Variants in KREMEN1 observed in about 807,000 individuals in gnomAD.
The protein encoded by KREMEN1 is kremen protein 1.
KREMEN1 carries 30 observed loss-of-function variants against 46.5 expected under a neutral mutation model. The observed-to-expected ratio is 0.65, with a 90% CI of 0.48 to 0.88. The LOEUF is 0.88. Ranked by LOEUF, KREMEN1 falls within the 40% of genes least tolerant of loss-of-function variation. KREMEN1 has a pLI of 0.00. For missense variants in KREMEN1, 533 were observed against 596.9 expected (o/e 0.89, Z 1.11); for synonymous variants, 214 against 230.6 (o/e 0.93, Z 0.65).
At chr22:29,100,668 T>C (rs564801233) in intron 3 of KREMEN1, among the ~76,000 whole-genome samples, 17 of 152,338 alleles carry the variant, frequency 1.1e-4, no homozygotes, top group African/African-American at 4.1e-4. Context: ...TATTTTAGAC[T>C]ATATTCCTTC....
intron 2 of KREMEN1, among the ~76,000 whole-genome samples, chr22:29,096,638 A>G (rs2145767258): frequency 6.6e-6 from 1 of 152,350 alleles, no homozygotes; most frequent in South Asian, 2.1e-4. Context: ...ATTGTTGATT[A>G]TCACATCAAA....
chr22:29,136,296 G>A (rs916100732), intron 5 of KREMEN1, among the ~76,000 whole-genome samples: 4 of 151,350 alleles, frequency 2.6e-5, no homozygotes, highest in African/African-American at 7.3e-5. Context: ...AGCCCTGGCC[G>A]GGTGCGGTGG....
downstream of KREMEN1, chr22:29,146,851 G>A (rs952917457): frequency 2.2e-6 from 2 of 923,332 alleles, no homozygotes; most frequent in African/African-American, 1.8e-5. Context: ...ATTTCTATGG[G>A]AGTTCCCCAG....
intron 9 of KREMEN1, among the ~76,000 whole-genome samples, chr22:29,155,748 C>T (rs2038955618): frequency 6.6e-6 from 1 of 152,028 alleles, no homozygotes; most frequent in Admixed American, 6.6e-5. Flanking sequence ...CACCTGAGGT[C>T]AGAGGTTTGA....
rs370954570 is a variant in KREMEN1 at position 29,094,280 on chromosome 22, G to A, written c.120G>A (p.Ala40=). ...TAGAGTGTTTCACAGCCAATGGTGC[G>A]GATTATAGGGGAACACAGAACTGGA... ...PGPECFTANG[A]DYRGTQNWTA... Residue 40 remains alanine, a synonymous_variant, in exon 2 of 9, where the codon GCG becomes GCA. Transcript: ENST00000400335. The A allele has an allele frequency of 2.5e-5, 40 of 1,610,480 alleles. No homozygotes were observed. The highest frequency in any genetic ancestry group is 8.9e-5 in the South Asian group (8 of 90,288).
chr22:29,167,204 C>A (rs2039060128), exon 10 of KREMEN1: 2 of 1,002,764 alleles, frequency 2.0e-6, no homozygotes, highest in Admixed American at 2.0e-5. Flanking sequence ...AAATGGTGGG[C>A]TCTCTCTGGC....
At chr22:29,077,309 T>G (rs1000678392) in intron 1 of KREMEN1, among the ~76,000 whole-genome samples, 1 of 152,238 alleles carries the variant, frequency 6.6e-6, no homozygotes, top group African/African-American at 2.4e-5. Context: ...TGACAGTGTT[T>G]CAGTAAGGCT....
intron 9 of KREMEN1, among the ~76,000 whole-genome samples, chr22:29,151,926 C>T (rs1308506761): frequency 6.6e-6 from 1 of 150,770 alleles, no homozygotes; most frequent in Non-Finnish European, 1.5e-5. Flanking sequence ...AGGAGAATTG[C>T]TTGAACCGGG....
At chr22:29,152,624 C>T (rs897163749) in intron 9 of KREMEN1, among the ~76,000 whole-genome samples, 32 of 152,178 alleles carry the variant, frequency 2.1e-4, no homozygotes, top group African/African-American at 6.5e-4. Flanking sequence ...CTCCCCGCCC[C>T]TTGCACCCCT....
chr22:29,125,155 T>C, intron 4 of KREMEN1, 108 bp from the exon 5 acceptor site: 2 of 1,269,996 alleles, frequency 1.6e-6, no homozygotes, highest in Non-Finnish European at 1.1e-6. Context: ...GAAGGGACCC[T>C]GGGAAGTTGA....
At chr22:29,113,011 T>C (rs1601780300) in intron 3 of KREMEN1, among the ~76,000 whole-genome samples, 1 of 151,942 alleles carries the variant, frequency 6.6e-6, no homozygotes. Context: ...GTGAACAGAG[T>C]GTTGAGGGAC....
chr22:29,109,700 G>T (rs1420671210), intron 3 of KREMEN1, among the ~76,000 whole-genome samples: 1 of 152,212 alleles, frequency 6.6e-6, no homozygotes, highest in Non-Finnish European at 1.5e-5. Context: ...TTTAGGAAGA[G>T]AAGCAAGTCC....
chr22:29,131,574 G>A (rs1357843349), intron 5 of KREMEN1, among the ~76,000 whole-genome samples: 2 of 129,004 alleles, frequency 1.6e-5, no homozygotes, highest in African/African-American at 7.4e-5. Flanking sequence ...GTGTGTGTGT[G>A]TGTGTGTGTG....
chr22:29,083,562 T>G (rs1601751099), intron 1 of KREMEN1, among the ~76,000 whole-genome samples: 1 of 152,348 alleles, frequency 6.6e-6, no homozygotes, highest in East Asian at 1.9e-4. Flanking sequence ...TCCGGCACAG[T>G]GGCTCACGCC....
intron 9 of KREMEN1, among the ~76,000 whole-genome samples, chr22:29,153,288 C>T (rs971932832): frequency 3.3e-5 from 5 of 152,178 alleles, no homozygotes; most frequent in Non-Finnish European, 7.4e-5. Context: ...TGCCGACCTC[C>T]TATCTCATCC....
In KREMEN1 at chr22:29,146,571, C is replaced by G; in HGVS notation, c.*4459C>G. 1 of 985,690 alleles carries G rather than the reference C, an allele frequency of 1.0e-6. No individual in the cohort carries two copies. Among genetic ancestry groups the G allele is most frequent in the Non-Finnish European group, 1.2e-6 (1 of 829,926 alleles). The allele number at this position is 985,690 out of a possible 1,614,324, so 61.1% of individuals were successfully genotyped here. ...TCCCACATCCAAACTCAGCTTCCAG[C>G]AGGGATTTTGACTTTGGATGACAAG... On this transcript the variant is annotated 3_prime_UTR_variant, in exon 9 of 9. Coordinates refer to ENST00000400335, the MANE Select transcript of KREMEN1 (RefSeq NM_001039570.3).
rs1160001131 is a variant in KREMEN1 at position 29,145,270 on chromosome 22, G to A, written c.*3158G>A. The A allele has an allele frequency of 5.1e-6, 5 of 985,488 alleles. No individual in the cohort carries two copies. Among genetic ancestry groups the A allele is most frequent in the Non-Finnish European group, 6.0e-6 (5 of 830,036 alleles). 61.0% of individuals were successfully genotyped at this position (985,488 alleles called of 1,614,324 possible). ...AGATAAAGTGGGGGTTGGAGGTGGCGAAAAGAGGGTAACCCTGGGAAAGTC... is the reference window on the plus strand; with the variant it reads ...AGATAAAGTGGGGGTTGGAGGTGGCAAAAAGAGGGTAACCCTGGGAAAGTC... On this transcript the variant is annotated 3_prime_UTR_variant, in exon 9 of 9. Transcript: ENST00000400335.
At chr22:29,128,327 C>T (rs965119814) in intron 5 of KREMEN1, among the ~76,000 whole-genome samples, 9 of 152,142 alleles carry the variant, frequency 5.9e-5, no homozygotes, top group African/African-American at 2.2e-4. Context: ...TTTATCAGGA[C>T]ATAACCCCAT....
chr22:29,137,792 A>C, intron 6 of KREMEN1, 118 bp downstream of exon 6: 1 of 720,826 alleles, frequency 1.4e-6, no homozygotes, highest in Non-Finnish European at 2.1e-6. Context: ...GGAACTACTG[A>C]CTCAACTTGC....
Sources: allele counts gnomAD v4.1 joint callset (sites outside exome capture counted in the v4.1 genomes callset), GRCh38; gene constraint gnomAD v4.1.1; transcripts MANE v1.5; gene names NCBI Gene and HGNC (gene_info 2026-07-23, HGNC 2026-07-21).